PRKN: variants seen among roughly 807,000 people sequenced by gnomAD.
The protein encoded by PRKN is parkin RBR E3 ubiquitin protein ligase, also known as E3 ubiquitin-protein ligase parkin.
PRKN carries 56 observed loss-of-function variants against 59.5 expected under a neutral mutation model. The observed-to-expected ratio is 0.94, with a 90% confidence interval of 0.76 to 1.18. PRKN has a LOEUF of 1.18. PRKN is among the 50% of genes most tolerant of loss of function. PRKN has a pLI of 0.00. For missense variants in PRKN, 657 were observed against 596.4 expected, an observed-to-expected ratio of 1.10 and a Z score of -1.06; for synonymous variants, 250 against 222.1, an observed-to-expected ratio of 1.13 and a Z score of -1.12.
At chr6:162,094,093 G>GTCT in intron 4 of PRKN, among the ~76,000 whole-genome samples, 1 of 152,158 alleles carries the variant, frequency 6.6e-6, no homozygotes, top group Non-Finnish European at 1.5e-5. Context: ...GTCGAGATGA[G>GTCT]ACGAAAACAC....
In PRKN at chr6:161,848,818, A is replaced by G. The variant is rs190377215; in HGVS notation, c.735-62910T>C. Among the ~76,000 whole-genome samples, 470 of 152,338 alleles carry G rather than the reference A, an allele frequency of 3.1e-3. 2 individuals carry two copies. Among genetic ancestry groups the G allele is most frequent in the Non-Finnish European group, 4.6e-3 (316 of 68,036 alleles). On this transcript the variant is annotated intron_variant, in intron 6 of 11. Transcript: ENST00000366898. Reference sequence around the variant, plus strand: ...GCACGCTAAGCTGAAGATGTTACAGAGGGAAATGGGAATTGAAAACTAATT... The same window carrying G: ...GCACGCTAAGCTGAAGATGTTACAGGGGGAAATGGGAATTGAAAACTAATT...
At chr6:161,789,624 G>T (rs997292531) in intron 6 of PRKN, among the ~76,000 whole-genome samples, 2 of 152,086 alleles carry the variant, frequency 1.3e-5, no homozygotes, top group African/African-American at 2.4e-5. Flanking sequence ...TTCTTCAATA[G>T]TTATTTAAAA....
rs750319801 is a variant in PRKN, at chr6:161,428,977, C to T, written c.1084-42100G>A. On this transcript the variant is annotated intron_variant, in intron 9 of 11. Coordinates refer to ENST00000366898, the MANE Select transcript of PRKN (RefSeq NM_004562.3). The surrounding 1 kb of genome is among the most constrained non-coding windows in gnomAD (Gnocchi z 4.0). ...GCCCTAAGACTGGAAGGCTGGCAGA[C>T]CAGCTCAGGTCAGCTGGTTCAAGAA... 8.5e-5 allele frequency among the ~76,000 whole-genome samples: 13 copies of T among 152,134 alleles called. No individual in the cohort carries two copies. The highest frequency in any genetic ancestry group is 6.2e-4 in the South Asian group (3 of 4,828).
At chr6:162,390,297 T>G (rs944852207) in intron 2 of PRKN, among the ~76,000 whole-genome samples, 2 of 150,618 alleles carry the variant, frequency 1.3e-5, no homozygotes, top group African/African-American at 4.9e-5. Flanking sequence ...TTAAAGAAAT[T>G]TTTAGTTTTT....
At chr6:161,902,981 C>T (rs1053531334) in intron 6 of PRKN, among the ~76,000 whole-genome samples, 8 of 152,204 alleles carry the variant, frequency 5.3e-5, no homozygotes, top group South Asian at 2.1e-4. Flanking sequence ...AGACGGTGCA[C>T]TGTGCTGGAA....
intron 4 of PRKN, among the ~76,000 whole-genome samples, chr6:162,131,244 A>G (rs1781341104): frequency 6.6e-6 from 1 of 152,206 alleles, no homozygotes; most frequent in Non-Finnish European, 1.5e-5. Flanking sequence ...GACACCCTCT[A>G]AACAGGAGCC....
At chr6:161,424,389 T>C (rs1020600492) in intron 9 of PRKN, among the ~76,000 whole-genome samples, 2 of 149,252 alleles carry the variant, frequency 1.3e-5, no homozygotes, top group Non-Finnish European at 3.0e-5. Flanking sequence ...ACAGCAATCA[T>C]GGGTGGGCCA....
chr6:162,057,383 C>A (rs1319221871), intron 4 of PRKN, among the ~76,000 whole-genome samples: 4 of 152,124 alleles, frequency 2.6e-5, no homozygotes, highest in Non-Finnish European at 5.9e-5. Context: ...AGAAGTGAGG[C>A]TGGAGAGAAA....
At chr6:162,342,411 AC>A (rs1396428863) in intron 2 of PRKN, among the ~76,000 whole-genome samples, 2 of 152,230 alleles carry the variant, frequency 1.3e-5, no homozygotes, top group African/African-American at 4.8e-5. Context: ...AGCACCAGGC[AC>A]GATGTGAAGT....
At chr6:162,622,961 T>C (rs1371361408) in intron 1 of PRKN, among the ~76,000 whole-genome samples, 1 of 152,190 alleles carries the variant, frequency 6.6e-6, no homozygotes, top group African/African-American at 2.4e-5. Context: ...ATGTAGGATT[T>C]CACTTCAGAG....
intron 7 of PRKN, among the ~76,000 whole-genome samples, chr6:161,781,123 G>C (rs1289748147): frequency 6.6e-6 from 1 of 152,188 alleles, no homozygotes; most frequent in East Asian, 1.9e-4. Flanking sequence ...GTTGTTTCTA[G>C]CCTGTCTCAG....
intron 9 of PRKN, among the ~76,000 whole-genome samples, chr6:161,513,269 C>T (rs540615579): frequency 1.6e-4 from 24 of 152,146 alleles, no homozygotes; most frequent in Admixed American, 3.9e-4. Context: ...GAGATGGGGT[C>T]TCGCTCTGTC....
chr6:162,614,159 T>C (rs1388855053), intron 1 of PRKN, among the ~76,000 whole-genome samples: 2 of 152,160 alleles, frequency 1.3e-5, no homozygotes, highest in Non-Finnish European at 2.9e-5. Flanking sequence ...ATTTTAATCA[T>C]AAACTAACAC....
chr6:161,466,869 G>A lies in PRKN; in HGVS notation c.1084-79992C>T, dbSNP rs769488641. ...TGGGCATACAAGCTTTTTCCTTTCT[G>A]GGACAGTCACACGAAGTTAGTTAAT... On this transcript the variant is annotated intron_variant, in intron 9 of 11. Coordinates refer to ENST00000366898, the MANE Select transcript of PRKN (RefSeq NM_004562.3). The surrounding 1 kb of genome is among the most constrained non-coding windows in gnomAD (Gnocchi z 5.0). Among the ~76,000 whole-genome samples the A allele has an allele frequency of 6.6e-6, 1 of 152,128 alleles. No homozygotes were observed. The highest frequency in any genetic ancestry group is 1.5e-5 in the Non-Finnish European group (1 of 68,008).
Position 162,461,224 on chromosome 6 carries a change from G to A in PRKN, c.8-17751C>T, listed in dbSNP as rs982049030. ...GAATGAAGAGAAAAAAAAGGAGGCT[G>A]GGTGTGGTGGCTCACGCCTGTAATC... On this transcript the variant is annotated intron_variant, in intron 1 of 11. Coordinates refer to ENST00000366898, the MANE Select transcript of PRKN (RefSeq NM_004562.3). 2.6e-5 allele frequency among the ~76,000 whole-genome samples: 4 copies of A among 151,894 alleles called. No individual in the cohort carries two copies. The South Asian group carries it at 6.2e-4, about 24-fold the overall frequency.
At chr6:162,008,315 C>A (rs949420993) in intron 5 of PRKN, among the ~76,000 whole-genome samples, 3 of 152,160 alleles carry the variant, frequency 2.0e-5, no homozygotes, top group Non-Finnish European at 2.9e-5. Context: ...CACCATTCTC[C>A]ACCTGCTTCG....
At chr6:162,514,619 G>T (rs1266419104) in intron 1 of PRKN, among the ~76,000 whole-genome samples, 1 of 152,170 alleles carries the variant, frequency 6.6e-6, no homozygotes, top group African/African-American at 2.4e-5. Context: ...CACAGGAGGA[G>T]AATATACAGA....
chr6:161,971,240 A>T (rs901124910), intron 6 of PRKN, among the ~76,000 whole-genome samples: 1 of 152,218 alleles, frequency 6.6e-6, no homozygotes, highest in Non-Finnish European at 1.5e-5. Context: ...AGATGTTGCC[A>T]GTTATTAATA....
rs913234363 is a variant in PRKN, at chr6:161,471,899, T to C, written c.1083+76955A>G. 6.6e-6 allele frequency among the ~76,000 whole-genome samples: 1 copy of C among 152,176 alleles called. No individual in the cohort carries two copies. The highest frequency in any genetic ancestry group is 2.4e-5 in the African/African-American group (1 of 41,448). On this transcript the variant is annotated intron_variant, in intron 9 of 11. Coordinates refer to ENST00000366898, the MANE Select transcript of PRKN (RefSeq NM_004562.3). The surrounding 1 kb of genome is among the most constrained non-coding windows in gnomAD (Gnocchi z 4.5). ...ACTGAAGGTGTGGATAGTTTTCTTT[T>C]GCTATGTGGTGGCAAGACCTCACCT... is the stretch of plus-strand genomic sequence containing the variant.
Sources: gnomAD v4.1 joint callset for allele counts (sites outside exome capture counted in the v4.1 genomes callset) on GRCh38, gnomAD v4.1.1 for gene constraint, Gnocchi (gnomAD v3.1) non-coding constraint, MANE v1.5 for transcripts, NCBI Gene and HGNC (gene_info 2026-07-23, HGNC 2026-07-21) for gene names.